The following PCDHA10 variants were observed in gnomAD, a reference collection of about 807,000 sequenced individuals.
PCDHA10 encodes protocadherin alpha-10.
PCDHA10 carries 45 observed loss-of-function variants against 61.2 expected under a neutral mutation model. The observed-to-expected ratio is 0.74, with a 90% CI of 0.58 to 0.94. The LOEUF (loss-of-function observed/expected upper bound fraction) is 0.94, where lower values mean the gene tolerates loss of function less well. PCDHA10 is among the 40% of genes least tolerant of loss of function. The probability of loss-of-function intolerance (pLI) is 0.00; values close to 1 mark genes in which losing one functional copy is unlikely to be tolerated. For synonymous variants in PCDHA10, 602 were observed against 548.8 expected (o/e 1.10, Z -1.35); for missense variants, 1,278 against 1,236.2 (o/e 1.03, Z -0.51).
intron 1 of PCDHA10, chr5:140,966,193 G>C (rs1554228123): frequency 4.8e-6 from 1 of 207,392 alleles, no homozygotes; most frequent in Non-Finnish European, 9.5e-6. Flanking sequence ...CAGACTTCTA[G>C]GGGCTTGACT....
At chr5:140,876,814 G>T (rs571648883) in intron 1 of PCDHA10, 1 of 1,614,226 alleles carries the variant, frequency 6.2e-7, no homozygotes, top group Non-Finnish European at 8.5e-7. Context: ...GGTGGCCGAC[G>T]TGAACGACAA....
At chr5:140,947,771 T>A (rs1167163964) in intron 1 of PCDHA10, among the ~76,000 whole-genome samples, 1 of 151,706 alleles carries the variant, frequency 6.6e-6, no homozygotes, top group Non-Finnish European at 1.5e-5. Flanking sequence ...AAAATTCTAT[T>A]GTAAATGGAT....
At chr5:140,997,740 C>T (rs568361121) in intron 3 of PCDHA10, among the ~76,000 whole-genome samples, 3 of 151,924 alleles carry the variant, frequency 2.0e-5, no homozygotes, top group African/African-American at 7.2e-5. Flanking sequence ...ATAGATTTGC[C>T]ACAATCTTCT....
intron 1 of PCDHA10, among the ~76,000 whole-genome samples, chr5:140,881,159 T>A (rs1375537883): frequency 6.6e-6 from 1 of 152,188 alleles, no homozygotes; most frequent in Non-Finnish European, 1.5e-5. Context: ...AAAAGTAAGA[T>A]CCTCTTCCTC....
At chr5:140,972,296 T>C (rs1303430452) in intron 1 of PCDHA10, among the ~76,000 whole-genome samples, 2 of 151,468 alleles carry the variant, frequency 1.3e-5, no homozygotes, top group Non-Finnish European at 2.9e-5. Flanking sequence ...TGCGCCACCG[T>C]GTCTGACTAG....
Position 140,957,818 on chromosome 5 carries a change from A to T in PCDHA10, c.2389-21131A>T, listed in dbSNP as rs568420954. On this transcript the variant is annotated intron_variant, in intron 1 of 3. Transcript: ENST00000307360. ...GTTAAGTAAAAAAAAGTCACAAATT[A>T]AGAGAAAGTGTTAATTGATTTGAGA... Among the ~76,000 whole-genome samples the T allele has an allele frequency of 9.3e-4, 141 of 151,940 alleles. 1 individual carries two copies. Among genetic ancestry groups the T allele is most frequent in the African/African-American group, 2.9e-3 (121 of 41,526 alleles).
chr5:140,997,971 G>A (rs2097791982), intron 3 of PCDHA10, among the ~76,000 whole-genome samples: 3 of 152,086 alleles, frequency 2.0e-5, no homozygotes, highest in Admixed American at 2.0e-4. Context: ...CCTGTGGTTG[G>A]ACTGCACTTG....
At chr5:140,863,300 C>G (rs1554158081) in intron 1 of PCDHA10, 16 of 1,463,970 alleles carry the variant, frequency 1.1e-5, no homozygotes, top group Non-Finnish European at 1.5e-5. Context: ...CTGATCATCG[C>G]CATCTGCGTG....
intron 1 of PCDHA10, among the ~76,000 whole-genome samples, chr5:140,954,973 G>T (rs781943510): frequency 7.9e-5 from 12 of 152,124 alleles, no homozygotes; most frequent in Non-Finnish European, 1.3e-4. Context: ...AAAGGGTCCA[G>T]TTTCAATTTT....
In PCDHA10 at chr5:140,981,860, A is replaced by C. The variant is rs377325751; in HGVS notation, c.2448-615A>C. On this transcript the variant is annotated intron_variant, in intron 2 of 3. Coordinates refer to ENST00000307360, the MANE Select transcript of PCDHA10 (RefSeq NM_018901.4). ...TCCCAGTTTGTATCTCACTCCCAGC[A>C]ATGTTTTATGCTGAATTAATCTCTT... Among the ~76,000 whole-genome samples the C allele has an allele frequency of 1.1e-3, 166 of 152,246 alleles. 1 individual carries two copies. The highest frequency in any genetic ancestry group is 3.9e-3 in the African/African-American group (160 of 41,532).
At chr5:140,893,488 C>G (rs2064010316) in intron 1 of PCDHA10, among the ~76,000 whole-genome samples, 1 of 151,368 alleles carries the variant, frequency 6.6e-6, no homozygotes, top group Non-Finnish European at 1.5e-5. Flanking sequence ...CCCTGTTCTT[C>G]ACAAAAAAGA....
At chr5:140,903,401 T>A (rs577425497) in intron 1 of PCDHA10, among the ~76,000 whole-genome samples, 2 of 152,336 alleles carry the variant, frequency 1.3e-5, no homozygotes, top group East Asian at 3.9e-4. Flanking sequence ...GAAACAGTAG[T>A]GCAGTCAGGA....
At chr5:140,870,671 A>T in intron 1 of PCDHA10, 1 of 1,612,606 alleles carries the variant, frequency 6.2e-7, no homozygotes, top group Non-Finnish European at 8.5e-7. Context: ...CAGCCGTTGG[A>T]CCACGAGGAG....
chr5:140,981,504 G>A (rs1435264364), intron 2 of PCDHA10, among the ~76,000 whole-genome samples: 1 of 152,182 alleles, frequency 6.6e-6, no homozygotes, highest in African/African-American at 2.4e-5. Flanking sequence ...AACCTGGGAG[G>A]CAGAGGTTGC....
At chr5:140,985,670 G>A (rs1554247237) in intron 3 of PCDHA10, among the ~76,000 whole-genome samples, 1 of 152,024 alleles carries the variant, frequency 6.6e-6, no homozygotes, top group East Asian at 1.9e-4. Flanking sequence ...AAAGGAAGTG[G>A]GGCCTGCCTT....
chr5:140,920,485 A>G (rs1366888817), intron 1 of PCDHA10, among the ~76,000 whole-genome samples: 3 of 152,164 alleles, frequency 2.0e-5, no homozygotes, highest in Admixed American at 6.5e-5. Context: ...TTTTTGGTCC[A>G]ACAATAGAGT....
chr5:140,904,857 T>G (rs1223482596), intron 1 of PCDHA10, among the ~76,000 whole-genome samples: 1 of 152,190 alleles, frequency 6.6e-6, no homozygotes, highest in Non-Finnish European at 1.5e-5. Context: ...CTGAGAATTG[T>G]CTGTTTATGT....
chr5:140,966,813 T>C (rs2096057002), intron 1 of PCDHA10: 2 of 1,551,874 alleles, frequency 1.3e-6, no homozygotes, highest in Non-Finnish European at 8.7e-7. Context: ...CATCCACGGC[T>C]CCGGCGGCCC....
At chr5:140,870,771 C>A (rs370490786) in intron 1 of PCDHA10, 1 of 1,613,466 alleles carries the variant, frequency 6.2e-7, no homozygotes, top group Non-Finnish European at 8.5e-7. Context: ...TCGTGCTGGA[C>A]GAGAACGACA....
Sources: allele counts gnomAD v4.1 joint callset (sites outside exome capture counted in the v4.1 genomes callset), GRCh38; gene constraint gnomAD v4.1.1; transcripts MANE v1.5; gene names NCBI Gene and HGNC (gene_info 2026-07-23, HGNC 2026-07-21).